MYO9A: variants seen among roughly 807,000 people sequenced by gnomAD.
MYO9A encodes the protein unconventional myosin-IXa.
MYO9A carries 103 observed loss-of-function variants against 293.3 expected under a neutral mutation model. The observed-to-expected ratio is 0.35, with a 90% CI of 0.30 to 0.41. The LOEUF (loss-of-function observed/expected upper bound fraction) is 0.41, where lower values mean the gene tolerates loss of function less well. Among genes scored for constraint, MYO9A ranks in the 10% least tolerant of loss-of-function variants. The probability of loss-of-function intolerance (pLI) is 1.00; values close to 1 mark genes in which losing one functional copy is unlikely to be tolerated. For missense variants in MYO9A, 2,685 were observed against 3,033.0 expected (o/e 0.89, Z 2.69); for synonymous variants, 1,001 against 1,035.7 (o/e 0.97, Z 0.64).
rs542794982 is a variant in MYO9A at position 71,948,783 on chromosome 15, A to G, written c.2302+2994T>C. Among the ~76,000 whole-genome samples the G allele has an allele frequency of 2.0e-5, 3 of 152,302 alleles. No individual in the cohort carries two copies. The East Asian group carries it at 5.8e-4, about 29-fold the overall frequency. ...TAGTCTGAAAATGTATTTCACCTTC[A>G]TTTTTGAAGGATACTTTTGCTACAT... On this transcript the variant is annotated intron_variant, in intron 15 of 41. Coordinates refer to ENST00000356056, the MANE Select transcript of MYO9A (RefSeq NM_006901.4).
At chr15:71,911,143 T>TA (rs1163109691) in intron 19 of MYO9A, among the ~76,000 whole-genome samples, 3 of 152,130 alleles carry the variant, frequency 2.0e-5, no homozygotes, top group Admixed American at 2.0e-4. Context: ...AACTATCTTT[T>TA]AAAAAAATAC....
chr15:71,875,769 T>TA, intron 32 of MYO9A, 22 bp downstream of exon 32: 1 of 1,265,202 alleles, frequency 7.9e-7, no homozygotes, highest in Non-Finnish European at 1.0e-6. Flanking sequence ...TTTTTTAATT[T>TA]AAAAAACAGA....
At position 72,084,571 on chromosome 15, in the gene MYO9A, T is replaced by G. The variant is rs147941815; in HGVS notation, c.-72+33109A>C. 8.8e-3 allele frequency among the ~76,000 whole-genome samples: 1,345 copies of G among 152,372 alleles called. 25 individuals are homozygous for G. Among genetic ancestry groups the G allele is most frequent in the African/African-American group, 0.031 (1,284 of 41,586 alleles). On this transcript the variant is annotated intron_variant, in intron 1 of 41. Transcript: ENST00000356056. ...TGGCTGCTTTATAGTGTCACTGGTC[T>G]GAGTACTTCAGTGTGTTTGTGTAGT... is the stretch of plus-strand genomic sequence containing the variant.
rs2077062287 is a variant in MYO9A, at chr15:72,007,969, C to A, written c.1254-17G>T. On this transcript the variant is annotated splice_polypyrimidine_tract_variant and intron_variant, in intron 7 of 41. Coordinates refer to ENST00000356056, the MANE Select transcript of MYO9A (RefSeq NM_006901.4). ...GAGAAAATCCTGGGAAAATAAAACA[C>A]AAATTATAGCTTAGTTGTGTCCATT... 6.2e-7 allele frequency: 1 copy of A among 1,604,616 alleles called. No individual in the cohort carries two copies. Among genetic ancestry groups the A allele is most frequent in the Non-Finnish European group, 8.5e-7 (1 of 1,177,130 alleles).
At chr15:71,854,266 C>T in intron 35 of MYO9A, 111 bp downstream of exon 35, 1 of 866,408 alleles carries the variant, frequency 1.2e-6, no homozygotes, top group Non-Finnish European at 1.6e-6. Context: ...GAAAAGAATG[C>T]ATTCTTCTGG....
chr15:71,891,175 G>A (rs1408347145), intron 26 of MYO9A: 1 of 152,288 alleles, frequency 6.6e-6, no homozygotes, highest in Non-Finnish European at 1.5e-5. Context: ...AATAGCTCGT[G>A]GTGAAAGAGA....
intron 13 of MYO9A, among the ~76,000 whole-genome samples, chr15:71,966,910 T>C (rs1458767377): frequency 6.6e-6 from 1 of 152,190 alleles, no homozygotes; most frequent in Non-Finnish European, 1.5e-5. Context: ...CCCTAAATAA[T>C]AACCCCCTGT....
rs369980412 is a variant in MYO9A at position 72,019,139 on chromosome 15, T to C, written c.1099-44A>G. ...AGTTAGGTAGAAGTAATGGTTATTA[T>C]ACTCTTCTAATGATCTCTTAGATGT... On this transcript the variant is annotated intron_variant, in intron 5 of 41. Transcript: ENST00000356056. 3.3e-5 allele frequency: 49 copies of C among 1,492,672 alleles called. No individual in the cohort carries two copies. The African/African-American group carries it at 5.5e-4, about 17-fold the overall frequency. The allele number at this position is 1,492,672 out of a possible 1,614,324, so 92.5% of individuals were successfully genotyped here.
intron 15 of MYO9A, among the ~76,000 whole-genome samples, chr15:71,939,939 A>T (rs947818903): frequency 1.3e-5 from 2 of 152,218 alleles, no homozygotes; most frequent in Non-Finnish European, 2.9e-5. Flanking sequence ...ACAAATAAAT[A>T]TACAGTGGTG....
At chr15:71,923,090 G>T (rs1206327371) in intron 18 of MYO9A, among the ~76,000 whole-genome samples, 2 of 152,158 alleles carry the variant, frequency 1.3e-5, no homozygotes, top group South Asian at 4.1e-4. Flanking sequence ...TATCATGAAT[G>T]AGTGTTGAAT....
intron 33 of MYO9A, among the ~76,000 whole-genome samples, chr15:71,860,458 A>G (rs758101431): frequency 6.6e-6 from 1 of 152,186 alleles, no homozygotes; most frequent in Admixed American, 6.5e-5. Context: ...AGGAAGAGGC[A>G]CATTTAGAGG....
intron 11 of MYO9A, among the ~76,000 whole-genome samples, chr15:71,986,051 C>A (rs2076400027): frequency 6.6e-6 from 1 of 152,156 alleles, no homozygotes; most frequent in Non-Finnish European, 1.5e-5. Context: ...AGAAAACATA[C>A]AATTGGCCCT....
rs1367681790 is a variant in MYO9A, at chr15:71,830,233, C to T, written c.6916G>A (p.Val2306Ile). ...VVVRLPSVSD[V>I]SEETLTSEAA... ...TCACTAGTCAAGGTCTCCTCTGAGA[C>T]ATCAGACACAGAAGGCAACCGAACT... is the stretch of plus-strand genomic sequence containing the variant. The change falls in exon 40 of 42, where the codon GTC becomes ATC. Residue 2306 changes from valine (V) to isoleucine (I), a missense_variant. Physicochemically the swap from Val to Ile is conservative, Grantham distance 29. This residue lies in a region of MYO9A where 350 missense variants were observed against 328.9 expected (regional missense o/e 1.06). Transcript: ENST00000356056. 3 of 1,613,950 alleles carry T rather than the reference C, an allele frequency of 1.9e-6. No homozygotes were observed. The highest frequency in any genetic ancestry group is 1.3e-5 in the African/African-American group (1 of 74,906).
intron 32 of MYO9A, 113 bp from the exon 33 acceptor site, chr15:71,862,724 G>A: frequency 1.6e-6 from 1 of 613,716 alleles, no homozygotes. Context: ...CTAATTCCAG[G>A]GGGACAATTA....
intron 17 of MYO9A, 66 bp downstream of exon 17, chr15:71,935,275 C>T: frequency 6.9e-7 from 1 of 1,449,038 alleles, no homozygotes. Flanking sequence ...TTTTTTCTGC[C>T]AGAAATTTTA....
chr15:71,931,016 T>C (rs540995082), intron 18 of MYO9A, among the ~76,000 whole-genome samples: 4 of 152,238 alleles, frequency 2.6e-5, no homozygotes, highest in Admixed American at 6.5e-5. Context: ...TATCTTTTTA[T>C]AATTTGTGTC....
chr15:72,005,093 G>C (rs1306472297), intron 8 of MYO9A, among the ~76,000 whole-genome samples: 5 of 152,114 alleles, frequency 3.3e-5, no homozygotes, highest in Admixed American at 3.3e-4. Flanking sequence ...ACTAACTAAA[G>C]ATGGGATAGG....
chr15:71,882,069 A>G (rs1441179815), intron 28 of MYO9A, among the ~76,000 whole-genome samples: 3 of 152,206 alleles, frequency 2.0e-5, no homozygotes, highest in Admixed American at 1.3e-4. Flanking sequence ...AGAGAGCTCA[A>G]GCCCATTCAC....
intron 39 of MYO9A, among the ~76,000 whole-genome samples, chr15:71,835,460 A>G (rs958221016): frequency 6.6e-6 from 1 of 152,228 alleles, no homozygotes; most frequent in Non-Finnish European, 1.5e-5. Flanking sequence ...AAGATGAAAA[A>G]TACCAAAATC....
Sources: gnomAD v4.1 joint callset for allele counts (sites outside exome capture counted in the v4.1 genomes callset) on GRCh38, gnomAD v4.1.1 for gene constraint, gnomAD v4.1.1 regional missense constraint, MANE v1.5 for transcripts, NCBI Gene and HGNC (gene_info 2026-07-23, HGNC 2026-07-21) for gene names.